Variants in SH3BP5 observed in about 807,000 individuals in gnomAD.
The protein encoded by SH3BP5 is SH3 domain binding protein 5, also known as SH3 domain-binding protein 5.
A neutral mutation model predicts 43.3 loss-of-function variants in SH3BP5; 22 were observed. The ratio of observed to expected loss-of-function variants is 0.51; its 90% CI spans 0.36 to 0.73. SH3BP5 has a LOEUF of 0.73. Ranked by LOEUF, SH3BP5 falls within the 30% of genes least tolerant of loss-of-function variation. The pLI is 0.00. For missense variants in SH3BP5, 529 were observed against 586.9 expected (o/e 0.90, Z 1.02); for synonymous variants, 255 against 225.8 (o/e 1.13, Z -1.16).
chr3:15,325,725 G>T (rs1466101768), intron 2 of SH3BP5, among the ~76,000 whole-genome samples: 1 of 152,146 alleles, frequency 6.6e-6, no homozygotes, highest in Non-Finnish European at 1.5e-5. Context: ...AATACTTAGT[G>T]AATTAAAAAG....
chr3:15,255,987 A>G lies in SH3BP5; in HGVS notation c.*99T>C. On this transcript the variant is annotated 3_prime_UTR_variant, in exon 9 of 9. Coordinates refer to ENST00000383791, the MANE Select transcript of SH3BP5 (RefSeq NM_004844.5). ...ACTTCATTAGAGCAGTTTAGAGTAG[A>G]CGTGTAAGATTTGGCATATATTAAA... The G allele has an allele frequency of 1.0e-6, 1 of 966,236 alleles. No homozygotes were observed. The highest frequency in any genetic ancestry group is 1.6e-6 in the Non-Finnish European group (1 of 624,550). The allele number at this position is 966,236 out of a possible 1,614,324, so 59.9% of individuals were successfully genotyped here.
rs1050585816 is a variant in SH3BP5, at chr3:15,254,563, A to G, written c.*1523T>C. 6.9e-6 allele frequency: 1 copy of G among 144,886 alleles called. No individual in the cohort carries two copies. Among genetic ancestry groups the G allele is most frequent in the African/African-American group, 2.9e-5 (1 of 34,246 alleles). The allele number at this position is 144,886 out of a possible 1,614,324, so 9.0% of individuals were successfully genotyped here. A position where few individuals can be genotyped will look rare whatever the true frequency, so the allele number is the denominator to read the frequency against. On this transcript the variant is annotated 3_prime_UTR_variant, in exon 9 of 9. Coordinates refer to ENST00000383791, the MANE Select transcript of SH3BP5 (RefSeq NM_004844.5). ...TGGGGATGAGAACTGACTGACAGCA[A>G]CACTTAAGCTTCGAGACTGCAGTGT...
In SH3BP5 at chr3:15,256,255, T is replaced by A; in HGVS notation, c.1199A>T (p.Asn400Ile). The A allele has an allele frequency of 6.2e-7, 1 of 1,614,242 alleles. No homozygotes were observed. Among genetic ancestry groups the A allele is most frequent in the Non-Finnish European group, 8.5e-7 (1 of 1,180,038 alleles). Residue 400 changes from asparagine (N) to isoleucine (I), a missense_variant, in exon 9 of 9, where the codon AAC (asparagine) becomes ATC (isoleucine). This residue lies in a region of SH3BP5 where 369 missense variants were observed against 384.3 expected (regional missense o/e 0.96). Coordinates refer to ENST00000383791, the MANE Select transcript of SH3BP5 (RefSeq NM_004844.5). ...ACTGCTACTGCTGAGGCCCCGGTTGTTGTTGGCTTTGTCACTTGTTTTATT... is the reference window on the plus strand; with the variant it reads ...ACTGCTACTGCTGAGGCCCCGGTTGATGTTGGCTTTGTCACTTGTTTTATT... The part of the protein sequence containing the change: ...AENKTSDKAN[N>I]NRGLSSSSGS...
intron 3 of SH3BP5, among the ~76,000 whole-genome samples, chr3:15,291,648 C>T (rs979179869): frequency 1.4e-4 from 22 of 152,190 alleles, no homozygotes; most frequent in Middle Eastern, 3.2e-3. Context: ...GCATTTCCCA[C>T]TTAGTGTAAA....
intron 3 of SH3BP5, among the ~76,000 whole-genome samples, chr3:15,274,853 C>T (rs1341705534): frequency 2.6e-5 from 4 of 152,286 alleles, no homozygotes; most frequent in South Asian, 4.1e-4. Context: ...CACACCCAGT[C>T]GCTACACACT....
Position 15,278,976 on chromosome 3 carries a change from C to T in SH3BP5, c.331-9099G>A, listed in dbSNP as rs147542587. On this transcript the variant is annotated intron_variant, in intron 3 of 8. Coordinates refer to ENST00000383791, the MANE Select transcript of SH3BP5 (RefSeq NM_004844.5). The stretch of plus-strand genomic sequence containing the variant: ...CCTGAGGTCAGGAGTTCAAGACCAG[C>T]TTGGCCAACATGGCGAAACCCCATC... Among the ~76,000 whole-genome samples, 452 of 152,260 alleles carry T rather than the reference C, an allele frequency of 3.0e-3. 1 individual carries two copies. Among genetic ancestry groups the T allele is most frequent in the African/African-American group, 0.01 (422 of 41,542 alleles).
intron 4 of SH3BP5, among the ~76,000 whole-genome samples, chr3:15,268,421 G>A (rs1455005623): frequency 2.0e-5 from 3 of 152,066 alleles, no homozygotes; most frequent in Non-Finnish European, 2.9e-5. Context: ...TACCCGCGCC[G>A]TCCAGGGTCT....
Position 15,256,107 on chromosome 3 carries a change from T to C in SH3BP5, c.1347A>G (p.Ile449Met). Residue 449 changes from isoleucine (I) to methionine (M), a missense_variant, in exon 9 of 9, where the codon ATA becomes ATG. Physicochemically the swap from Ile to Met is conservative, Grantham distance 10 (BLOSUM62 1). Transcript: ENST00000383791. ...TGAATCAGCCAATCTGCACCATTTT[T>C]ATGTCAGCAATAATTCCATCTCTTC... is the stretch of plus-strand genomic sequence containing the variant. ...SKGRDGIIAD[I>M]KMVQIG is the part of the protein sequence containing the mutation. 1.2e-6 allele frequency: 2 copies of C among 1,614,102 alleles called. No homozygotes were observed. Among genetic ancestry groups the C allele is most frequent in the East Asian group, 2.2e-5 (1 of 44,882 alleles).
chr3:15,327,697 C>T (rs1698499335), intron 2 of SH3BP5, among the ~76,000 whole-genome samples: 2 of 152,226 alleles, frequency 1.3e-5, no homozygotes, highest in African/African-American at 2.4e-5. Flanking sequence ...TGTTCACCCA[C>T]ATAAATGCAG....
At chr3:15,275,216 A>T (rs759618171) in intron 3 of SH3BP5, among the ~76,000 whole-genome samples, 3 of 152,264 alleles carry the variant, frequency 2.0e-5, no homozygotes, top group Non-Finnish European at 4.4e-5. Flanking sequence ...ATCAGGCAGC[A>T]GGCCAGGCCA....
chr3:15,315,869 C>T (rs1360219778), intron 2 of SH3BP5, among the ~76,000 whole-genome samples: 1 of 152,176 alleles, frequency 6.6e-6, no homozygotes, highest in Non-Finnish European at 1.5e-5. Context: ...GGGAAAGATG[C>T]AGACACCATG....
In SH3BP5 at chr3:15,273,134, C is replaced by A. The variant is rs1392687773; in HGVS notation, c.331-3257G>T. The A allele has an allele frequency of 9.1e-6, 9 of 985,306 alleles. No homozygotes were observed. The Admixed American group carries it at 4.9e-4, about 54-fold the overall frequency. The allele number at this position is 985,306 out of a possible 1,614,324, so 61.0% of individuals were successfully genotyped here. A position where few individuals can be genotyped will look rare whatever the true frequency, so the allele number is the denominator to read the frequency against. On this transcript the variant is annotated intron_variant, in intron 3 of 8. Coordinates refer to ENST00000383791, the MANE Select transcript of SH3BP5 (RefSeq NM_004844.5). ...CTCCTACCTATATGCTTCACACCAA[C>A]TCCAGGAGACAGGATGAATCCCACA...
intron 3 of SH3BP5, chr3:15,273,372 T>A: frequency 1.0e-6 from 1 of 985,444 alleles, no homozygotes; most frequent in African/African-American, 1.7e-5. Context: ...CTCTGCCATG[T>A]ATCTGATGAG....
intron 4 of SH3BP5, among the ~76,000 whole-genome samples, chr3:15,266,596 T>C (rs1696652943): frequency 6.6e-6 from 1 of 152,236 alleles, no homozygotes; most frequent in Non-Finnish European, 1.5e-5. Flanking sequence ...GGTCCTATGC[T>C]GCCCAAGCTC....
At chr3:15,284,889 C>T (rs892213337) in intron 3 of SH3BP5, among the ~76,000 whole-genome samples, 41 of 152,324 alleles carry the variant, frequency 2.7e-4, no homozygotes, top group African/African-American at 9.9e-4. Flanking sequence ...GACACCAGCA[C>T]ACACTGGACG....
At chr3:15,278,864 A>G (rs1220348092) in intron 3 of SH3BP5, among the ~76,000 whole-genome samples, 3 of 152,180 alleles carry the variant, frequency 2.0e-5, no homozygotes, top group East Asian at 1.9e-4. Flanking sequence ...TTCCTGAATC[A>G]GTTTCTTAAA....
At chr3:15,326,769 T>G (rs1364461891) in intron 2 of SH3BP5, among the ~76,000 whole-genome samples, 1 of 147,970 alleles carries the variant, frequency 6.8e-6, no homozygotes, top group Non-Finnish European at 1.5e-5. Context: ...TTGGTGATTT[T>G]GCTGTTAAAA....
upstream of SH3BP5, among the ~76,000 whole-genome samples, chr3:15,337,568 T>C (rs934025816): frequency 3.3e-5 from 5 of 152,130 alleles, no homozygotes; most frequent in African/African-American, 1.2e-4. Flanking sequence ...GTCCCAAACA[T>C]GTAGATGACA....
chr3:15,308,586 G>T (rs1487481068), intron 2 of SH3BP5, among the ~76,000 whole-genome samples: 2 of 152,158 alleles, frequency 1.3e-5, no homozygotes, highest in Non-Finnish European at 2.9e-5. Flanking sequence ...ACGGACGGAC[G>T]GGCTGGCCTG....
Sources: allele counts gnomAD v4.1 joint callset (sites outside exome capture counted in the v4.1 genomes callset), GRCh38; gene constraint gnomAD v4.1.1; regional missense constraint gnomAD v4.1.1; transcripts MANE v1.5; gene names NCBI Gene and HGNC (gene_info 2026-07-23, HGNC 2026-07-21).